GALNTL6: variants seen among roughly 807,000 people sequenced by gnomAD.
GALNTL6 encodes polypeptide N-acetylgalactosaminyltransferase-like 6.
Under a neutral mutation model 73.7 loss-of-function variants are expected in GALNTL6, and 46 were observed. That is an observed-to-expected ratio of 0.62 (90% CI 0.49 to 0.80). The LOEUF (loss-of-function observed/expected upper bound fraction) is 0.80, where lower values mean the gene tolerates loss of function less well. Among genes scored for constraint, GALNTL6 ranks in the 30% least tolerant of loss-of-function variants. The probability of loss-of-function intolerance (pLI) is 0.00; values close to 1 mark genes in which losing one functional copy is unlikely to be tolerated. For synonymous variants in GALNTL6, 259 were observed against 263.7 expected (o/e 0.98, Z 0.17); for missense variants, 604 against 755.0 (o/e 0.80, Z 2.34).
At chr4:172,692,825 C>T (rs1733396329) in intron 5 of GALNTL6, among the ~76,000 whole-genome samples, 1 of 152,056 alleles carries the variant, frequency 6.6e-6, no homozygotes, top group African/African-American at 2.4e-5. Flanking sequence ...TTTTATAAGT[C>T]AAGACTTCAA....
At chr4:172,062,148 G>T (rs1304185037) in intron 2 of GALNTL6, among the ~76,000 whole-genome samples, 1 of 151,620 alleles carries the variant, frequency 6.6e-6, no homozygotes, top group African/African-American at 2.4e-5. Flanking sequence ...TAGAGACAGG[G>T]TTTTGCTATG....
intron 2 of GALNTL6, among the ~76,000 whole-genome samples, chr4:172,227,611 T>C (rs1363053428): frequency 2.6e-5 from 4 of 152,140 alleles, no homozygotes; most frequent in Admixed American, 1.3e-4. Context: ...TTTTGAAAAT[T>C]CCGTGCCATA....
rs1368132620 is a variant in GALNTL6 at position 172,430,130 on chromosome 4, T to A, written c.553+81441T>A. Among the ~76,000 whole-genome samples, 364 of 152,100 alleles carry A rather than the reference T, an allele frequency of 2.4e-3. 1 individual carries two copies. The highest frequency in any genetic ancestry group is 8.3e-3 in the African/African-American group (343 of 41,500). ...GTGAAGTGAAACGGAGAGAAAATAT[T>A]AAAGCTAGTTGACCATAAAAGTTAT... is the stretch of plus-strand genomic sequence containing the variant. On this transcript the variant is annotated intron_variant, in intron 5 of 12. Coordinates refer to ENST00000506823, the MANE Select transcript of GALNTL6 (RefSeq NM_001034845.3).
chr4:172,753,001 T>A (rs11132963), intron 5 of GALNTL6, among the ~76,000 whole-genome samples: 145,578 of 152,280 alleles, frequency 0.96, 69,920 homozygotes, highest in East Asian at 1. Flanking sequence ...CTTAGAAATA[T>A]AATTTAATTA....
intron 4 of GALNTL6, among the ~76,000 whole-genome samples, chr4:172,324,277 G>A (rs372603262): frequency 3.3e-5 from 5 of 151,760 alleles, no homozygotes; most frequent in South Asian, 2.1e-4. Flanking sequence ...AGAGTCAGAC[G>A]CCAATGTTAC....
intron 5 of GALNTL6, among the ~76,000 whole-genome samples, chr4:172,639,980 T>C (rs570838548): frequency 3.3e-5 from 5 of 152,220 alleles, no homozygotes; most frequent in African/African-American, 1.2e-4. Flanking sequence ...AAATCTTTCA[T>C]TCCACTTTTC....
chr4:172,140,962 G>A (rs967706060), intron 2 of GALNTL6, among the ~76,000 whole-genome samples: 13 of 152,162 alleles, frequency 8.5e-5, no homozygotes, highest in African/African-American at 3.1e-4. Context: ...CCTGTTAATG[G>A]TATGAAAGGA....
At chr4:172,031,067 C>G (rs1362080954) in intron 2 of GALNTL6, among the ~76,000 whole-genome samples, 1 of 152,042 alleles carries the variant, frequency 6.6e-6, no homozygotes, top group Non-Finnish European at 1.5e-5. Flanking sequence ...CAAAGATTAT[C>G]ATAGAAATGC....
chr4:172,309,303 G>A (rs777336338), intron 3 of GALNTL6, among the ~76,000 whole-genome samples: 7 of 151,568 alleles, frequency 4.6e-5, no homozygotes, highest in Non-Finnish European at 1.0e-4. Context: ...TCACTGATAT[G>A]GAAACCAAAT....
chr4:172,931,345 A>G, intron 9 of GALNTL6, 77 bp downstream of exon 9: 1 of 840,882 alleles, frequency 1.2e-6, no homozygotes, highest in South Asian at 1.3e-5. Context: ...TGCCCATGGC[A>G]CAGTCTGAGA....
intron 2 of GALNTL6, among the ~76,000 whole-genome samples, chr4:171,906,984 G>T (rs1173974071): frequency 2.0e-5 from 3 of 152,040 alleles, no homozygotes; most frequent in Non-Finnish European, 4.4e-5. Context: ...AGGTATTGAT[G>T]GGACGTATTT....
intron 2 of GALNTL6, among the ~76,000 whole-genome samples, chr4:172,076,345 T>C (rs1731704722): frequency 6.6e-6 from 1 of 152,238 alleles, no homozygotes; most frequent in Admixed American, 6.5e-5. Flanking sequence ...AGGGTAAAGA[T>C]GTCGTACTCT....
intron 7 of GALNTL6, among the ~76,000 whole-genome samples, chr4:172,835,831 A>C (rs1280758447): frequency 6.6e-6 from 1 of 152,196 alleles, no homozygotes; most frequent in Non-Finnish European, 1.5e-5. Flanking sequence ...ATCCTCATAG[A>C]CGTGTCTCTG....
chr4:171,965,207 T>C (rs1228355495), intron 2 of GALNTL6, among the ~76,000 whole-genome samples: 1 of 152,220 alleles, frequency 6.6e-6, no homozygotes, highest in Non-Finnish European at 1.5e-5. Context: ...TTGAACTAAA[T>C]AGGGTAAAGA....
intron 5 of GALNTL6, among the ~76,000 whole-genome samples, chr4:172,533,595 T>C (rs530827050): frequency 5.1e-4 from 78 of 152,106 alleles, no homozygotes; most frequent in Non-Finnish European, 9.4e-4. Context: ...TGTGCTGGGA[T>C]TACAGGCTTG....
intron 2 of GALNTL6, among the ~76,000 whole-genome samples, chr4:172,051,127 T>A (rs984114420): frequency 6.6e-6 from 1 of 152,084 alleles, no homozygotes; most frequent in Non-Finnish European, 1.5e-5. Context: ...ACAGGATGTG[T>A]GACAGGGGTG....
intron 5 of GALNTL6, among the ~76,000 whole-genome samples, chr4:172,420,947 G>A (rs958469140): frequency 6.6e-6 from 1 of 152,020 alleles, no homozygotes; most frequent in Non-Finnish European, 1.5e-5. Flanking sequence ...TCACTCATAA[G>A]TGGGAGCTTA....
At chr4:172,221,242 A>G (rs1026060884) in intron 2 of GALNTL6, among the ~76,000 whole-genome samples, 7 of 151,848 alleles carry the variant, frequency 4.6e-5, no homozygotes, top group Admixed American at 3.3e-4. Flanking sequence ...TTGTAACACA[A>G]TGAACTCAGA....
At chr4:172,204,152 T>C (rs1392194848) in intron 2 of GALNTL6, among the ~76,000 whole-genome samples, 3 of 152,158 alleles carry the variant, frequency 2.0e-5, no homozygotes, top group Non-Finnish European at 4.4e-5. Context: ...AATTGTGAAG[T>C]TTACTAGGTT....
Sources: gnomAD v4.1 joint callset for allele counts (sites outside exome capture counted in the v4.1 genomes callset) on GRCh38, gnomAD v4.1.1 for gene constraint, MANE v1.5 for transcripts, NCBI Gene and HGNC (gene_info 2026-07-23, HGNC 2026-07-21) for gene names.